PCDH11X: variants seen among roughly 807,000 people sequenced by gnomAD.
PCDH11X encodes protocadherin 11 X-linked.
PCDH11X carries 18 observed loss-of-function variants against 53.3 expected under a neutral mutation model. That is an observed-to-expected ratio of 0.34 (90% CI 0.23 to 0.50). The LOEUF is 0.50. Ranked by LOEUF, PCDH11X falls within the 20% of genes least tolerant of loss-of-function variation. The pLI, the probability that PCDH11X is intolerant of heterozygous loss-of-function variation, is 0.98. For synonymous variants in PCDH11X, 279 were observed against 393.3 expected (o/e 0.71, Z 3.44); for missense variants, 570 against 1,032.4 (o/e 0.55, Z 6.14).
rs186949494 is a variant in PCDH11X at position 91,905,917 on chromosome X, A to G, written c.3033+26644A>G. Reference sequence around the variant, plus strand: ...CCTGCATAATTTCTATGTAGATTAAACAGGTTTATAATTCACTTGTTCTTA... The same window carrying G: ...CCTGCATAATTTCTATGTAGATTAAGCAGGTTTATAATTCACTTGTTCTTA... On this transcript the variant is annotated intron_variant, in intron 6 of 10. Coordinates refer to ENST00000682573, the MANE Select transcript of PCDH11X (RefSeq NM_032968.5). 1.3e-4 allele frequency among the ~76,000 whole-genome samples: 15 copies of G among 111,751 alleles called. 1 individual carries two copies. The highest frequency in any genetic ancestry group is 4.5e-4 in the African/African-American group (14 of 30,802).
In PCDH11X at chrX:91,835,596, G is replaced by A. The variant is rs765860336; in HGVS notation, c.92G>A (p.Arg31Gln). 3.2e-5 allele frequency: 39 copies of A among 1,208,927 alleles called. No individual in the cohort carries two copies. Among genetic ancestry groups the A allele is most frequent in the Non-Finnish European group, 3.5e-5 (31 of 895,105 alleles). ...SGAQEKNYTIREEMPENVLIG... is the reference protein window; with the variant it reads ...SGAQEKNYTIQEEMPENVLIG... The stretch of plus-strand genomic sequence containing the variant: ...GCCCAGGAGAAAAACTACACCATCC[G>A]AGAAGAAATGCCAGAAAACGTCCTG... Residue 31 changes from arginine (R) to glutamine (Q), a missense_variant, in exon 5 of 11, where the codon CGA becomes CAA. Transcript: ENST00000682573.
intron 10 of PCDH11X, among the ~76,000 whole-genome samples, chrX:92,504,628 G>A (rs903505675): frequency 1.4e-4 from 16 of 111,262 alleles, no homozygotes; most frequent in Non-Finnish European, 1.9e-5. Context: ...ATGTTTTTCT[G>A]GTAGGAGGAT....
At chrX:92,224,673 A>G in intron 7 of PCDH11X, among the ~76,000 whole-genome samples, 1 of 111,822 alleles carries the variant, frequency 8.9e-6, no homozygotes, top group South Asian at 3.7e-4. Context: ...CTTGTGGGGT[A>G]GAGCTCTCTG....
intron 7 of PCDH11X, 37 bp from the exon 8 acceptor site, chrX:92,263,077 C>G: frequency 8.7e-7 from 1 of 1,151,673 alleles, no homozygotes; most frequent in Non-Finnish European, 1.2e-6. Context: ...GTTTTATTTT[C>G]CTTTGCTTCC....
At chrX:92,172,751 T>C (rs2065843834) in intron 6 of PCDH11X, among the ~76,000 whole-genome samples, 1 of 111,647 alleles carries the variant, frequency 9.0e-6, no homozygotes, top group African/African-American at 3.2e-5. Flanking sequence ...GGAAACCAAA[T>C]TACTTGAAGA....
intron 9 of PCDH11X, among the ~76,000 whole-genome samples, chrX:92,461,683 G>A (rs977435298): frequency 9.0e-6 from 1 of 111,380 alleles, no homozygotes; most frequent in Non-Finnish European, 1.9e-5. Context: ...AGAGGCACAA[G>A]CAATCAAACC....
intron 1 of PCDH11X, among the ~76,000 whole-genome samples, chrX:91,799,258 A>T (rs941042254): frequency 9.0e-6 from 1 of 111,352 alleles, no homozygotes; most frequent in Non-Finnish European, 1.9e-5. Context: ...CATTAAAAAA[A>T]GTGTATCTAT....
chrX:92,291,540 A>G (rs1180990188), intron 8 of PCDH11X, among the ~76,000 whole-genome samples: 1 of 89,385 alleles, frequency 1.1e-5, no homozygotes, highest in African/African-American at 4.3e-5. Context: ...TGGAATTAAT[A>G]TAGGTTAAAA....
chrX:92,559,658 C>T (rs574138624), intron 10 of PCDH11X, among the ~76,000 whole-genome samples: 58 of 111,217 alleles, frequency 5.2e-4, no homozygotes, highest in Middle Eastern at 4.6e-3. Flanking sequence ...AGGAATATTG[C>T]AGTGACTGGG....
At chrX:92,585,837 A>C (rs1346003693) in intron 10 of PCDH11X, among the ~76,000 whole-genome samples, 4 of 108,769 alleles carry the variant, frequency 3.7e-5, no homozygotes, top group Non-Finnish European at 5.7e-5. Context: ...TTCTATTTTA[A>C]CTTTGGATAG....
At chrX:91,969,943 G>C (rs2061927590) in intron 6 of PCDH11X, among the ~76,000 whole-genome samples, 1 of 110,925 alleles carries the variant, frequency 9.0e-6, no homozygotes, top group Admixed American at 9.6e-5. Flanking sequence ...ATCCCACTAA[G>C]GTTCAGCTTC....
At chrX:91,875,333 A>G (rs1283635296) in intron 5 of PCDH11X, among the ~76,000 whole-genome samples, 1 of 88,425 alleles carries the variant, frequency 1.1e-5, no homozygotes, top group East Asian at 3.6e-4. Context: ...CCCAGGCTGG[A>G]GTGCAGTGGC....
At chrX:92,520,226 A>ATTT (rs66767343) in intron 10 of PCDH11X, among the ~76,000 whole-genome samples, 3 of 103,418 alleles carry the variant, frequency 2.9e-5, no homozygotes, top group Non-Finnish European at 5.9e-5. Flanking sequence ...AATCTCTCAG[A>ATTT]TTTTTTTTTT....
chrX:92,618,461 G>A lies in PCDH11X; in HGVS notation c.3565G>A (p.Val1189Met). The change falls in exon 11 of 11, where the codon GTG (valine) becomes ATG (methionine). Residue 1189 changes from valine (V) to methionine (M), a missense_variant. Physicochemically the swap from Val to Met is conservative, Grantham distance 21. This residue lies in a region of PCDH11X where 234 missense variants were observed against 296.1 expected (regional missense o/e 0.79). Coordinates refer to ENST00000682573, the MANE Select transcript of PCDH11X (RefSeq NM_032968.5). ...CTCTACTCAGCACCACAGCCCACGAGTGACACAGACCATTGCTCTCTGCCA... is the reference window on the plus strand; with the variant it reads ...CTCTACTCAGCACCACAGCCCACGAATGACACAGACCATTGCTCTCTGCCA... ...QASTQHHSPRVTQTIALCHSP... is the reference protein window; with the variant it reads ...QASTQHHSPRMTQTIALCHSP... 8.3e-7 allele frequency: 1 copy of A among 1,211,125 alleles called. No individual in the cohort carries two copies. The highest frequency in any genetic ancestry group is 1.1e-6 in the Non-Finnish European group (1 of 895,312).
chrX:92,530,833 A>G (rs1355813247), intron 10 of PCDH11X, among the ~76,000 whole-genome samples: 2 of 111,515 alleles, frequency 1.8e-5, no homozygotes, highest in Non-Finnish European at 3.8e-5. Context: ...TCTTTTCCAT[A>G]TGGAAAGTAA....
intron 6 of PCDH11X, among the ~76,000 whole-genome samples, chrX:91,934,598 C>A (rs903520888): frequency 9.3e-6 from 1 of 107,537 alleles, no homozygotes; most frequent in Non-Finnish European, 1.9e-5. Flanking sequence ...ACTAGGGGCA[C>A]CTTATCCGAT....
intron 6 of PCDH11X, among the ~76,000 whole-genome samples, chrX:91,947,786 C>T (rs993476452): frequency 4.8e-5 from 5 of 104,223 alleles, no homozygotes; most frequent in African/African-American, 1.7e-4. Flanking sequence ...AAACCATATT[C>T]TCTTTAAGTA....
intron 6 of PCDH11X, among the ~76,000 whole-genome samples, chrX:91,960,748 C>A (rs1055100629): frequency 3.6e-5 from 4 of 111,196 alleles, no homozygotes; most frequent in Non-Finnish European, 7.5e-5. Context: ...ATACTGAAGT[C>A]TTTATTTCAA....
chrX:91,906,754 A>G (rs1941169162), intron 6 of PCDH11X, among the ~76,000 whole-genome samples: 1 of 111,786 alleles, frequency 8.9e-6, no homozygotes. Flanking sequence ...GCTTGGTTTC[A>G]GCACATAGGC....
Sources: allele counts gnomAD v4.1 joint callset (sites outside exome capture counted in the v4.1 genomes callset), GRCh38; gene constraint gnomAD v4.1.1; regional missense constraint gnomAD v4.1.1; transcripts MANE v1.5; gene names NCBI Gene and HGNC (gene_info 2026-07-23, HGNC 2026-07-21).